Variants in PAMR1 observed in about 807,000 individuals in gnomAD.
The protein encoded by PAMR1 is peptidase domain containing associated with muscle regeneration 1, also known as inactive serine protease PAMR1.
A neutral mutation model predicts 81.8 loss-of-function variants in PAMR1; 88 were observed. The observed-to-expected ratio is 1.08, with a 90% CI of 0.91 to 1.28. The LOEUF (loss-of-function observed/expected upper bound fraction) is 1.28, where lower values mean the gene tolerates loss of function less well. Ranked by LOEUF, PAMR1 falls within the 50% of genes most tolerant of loss-of-function variation. PAMR1 has a pLI of 0.00. For synonymous variants in PAMR1, 336 were observed against 345.3 expected, an observed-to-expected ratio of 0.97 and a Z score of 0.30; for missense variants, 935 against 919.7, an observed-to-expected ratio of 1.02 and a Z score of -0.21.
intron 1 of PAMR1, among the ~76,000 whole-genome samples, chr11:35,506,782 G>A (rs1850966245): frequency 6.6e-6 from 1 of 151,442 alleles, no homozygotes. Context: ...GTGCCTTAGG[G>A]TAGTCTTATT....
At chr11:35,506,166 T>A (rs1181748553) in intron 1 of PAMR1, among the ~76,000 whole-genome samples, 1 of 151,442 alleles carries the variant, frequency 6.6e-6, no homozygotes, top group Non-Finnish European at 1.5e-5. Flanking sequence ...AATTCTACAA[T>A]TTAATTCCAT....
chr11:35,508,470 A>G (rs2781009), intron 1 of PAMR1, among the ~76,000 whole-genome samples: 46,918 of 149,328 alleles, frequency 0.31, 7,460 homozygotes, highest in African/African-American at 0.36. Context: ...TCAGGAGAGT[A>G]AAGCTAGCTT....
intron 1 of PAMR1, among the ~76,000 whole-genome samples, chr11:35,518,220 C>A (rs1365645479): frequency 6.6e-6 from 1 of 151,796 alleles, no homozygotes; most frequent in Non-Finnish European, 1.5e-5. Flanking sequence ...CCAGCCATGT[C>A]CTCACTTCTG....
rs761305508 is a variant in PAMR1, at chr11:35,492,040, C to T, written c.379+5G>A. 5 of 1,610,254 alleles carry T rather than the reference C, an allele frequency of 3.1e-6. No homozygotes were observed. In the East Asian group the frequency reaches 9.0e-5, roughly 29 times the overall value. On this transcript the variant is annotated splice_donor_5th_base_variant and intron_variant, in intron 3 of 10. Transcript: ENST00000619888. The stretch of plus-strand genomic sequence containing the variant: ...AGAGATGGAGCTAGGTCAAGGTCTA[C>T]TTACGCATGCAGTCTCCTCCGTACC...
Position 35,437,776 on chromosome 11 carries a change from G to A in PAMR1, c.1101-1641C>T, listed in dbSNP as rs182612527. Among the ~76,000 whole-genome samples, 16 of 152,342 alleles carry A rather than the reference G, an allele frequency of 1.1e-4. No homozygotes were observed. The East Asian group carries it at 1.3e-3, about 13-fold the overall frequency. ...GTCTTTCTGAATAGTGCAGGGGCCCGTCTACAGCATGTGTCTTTGGGAAGA... is the reference window on the plus strand; with the variant it reads ...GTCTTTCTGAATAGTGCAGGGGCCCATCTACAGCATGTGTCTTTGGGAAGA... On this transcript the variant is annotated intron_variant, in intron 8 of 10. Coordinates refer to ENST00000619888, the MANE Select transcript of PAMR1 (RefSeq NM_001001991.3).
At chr11:35,520,198 G>A (rs1851245790) in intron 1 of PAMR1, among the ~76,000 whole-genome samples, 1 of 152,112 alleles carries the variant, frequency 6.6e-6, no homozygotes, top group African/African-American at 2.4e-5. Context: ...GGGTAAAGAT[G>A]CCTTGATGTG....
rs1269915342 is a variant in PAMR1 at position 35,434,640 on chromosome 11, C to T, written c.1498G>A (p.Val500Met). ...TCAGTAACACAGTGGGCAGCCACCA[C>T]CACAGTGCGCTCATTCACCAGGGCA... ...SGALVNERTV[V>M]VAAHCVTDLG... The change falls in exon 10 of 11, where the codon GTG becomes ATG. Residue 500 changes from valine to methionine, a missense_variant. Transcript: ENST00000619888. The T allele has an allele frequency of 1.9e-6, 3 of 1,614,036 alleles. No homozygotes were observed. Among genetic ancestry groups the T allele is most frequent in the East Asian group, 2.2e-5 (1 of 44,898 alleles).
intron 1 of PAMR1, among the ~76,000 whole-genome samples, chr11:35,509,762 G>C (rs900311124): frequency 8.6e-5 from 13 of 152,044 alleles, no homozygotes; most frequent in African/African-American, 3.1e-4. Flanking sequence ...GGGGTTCACA[G>C]AATTCCAGGG....
chr11:35,523,799 G>A (rs1851331026), intron 1 of PAMR1, among the ~76,000 whole-genome samples: 1 of 152,110 alleles, frequency 6.6e-6, no homozygotes, highest in Non-Finnish European at 1.5e-5. Flanking sequence ...ATGAAGCTGC[G>A]CTCTGGTTCA....
chr11:35,492,208 A>C (rs1177605822), intron 2 of PAMR1, 35 bp from the exon 3 acceptor site: 3 of 1,611,888 alleles, frequency 1.9e-6, no homozygotes, highest in African/African-American at 1.3e-5. Context: ...TGTTAGGCCA[A>C]AGCACCTGCG....
intron 4 of PAMR1, among the ~76,000 whole-genome samples, chr11:35,471,864 T>C (rs1850194377): frequency 6.6e-6 from 1 of 152,170 alleles, no homozygotes; most frequent in Non-Finnish European, 1.5e-5. Context: ...TACCTTCTCC[T>C]CCACACTCTG....
chr11:35,439,724 C>T (rs1159802499), intron 7 of PAMR1, 31 bp from the exon 8 acceptor site: 1 of 1,569,464 alleles, frequency 6.4e-7, no homozygotes, highest in Non-Finnish European at 8.8e-7. Context: ...GCTGCATGAT[C>T]CTTTTCCATA....
upstream of PAMR1, among the ~76,000 whole-genome samples, chr11:35,529,222 T>C (rs918414898): frequency 2.0e-5 from 3 of 152,238 alleles, no homozygotes; most frequent in Non-Finnish European, 4.4e-5. Flanking sequence ...CAAAATCATA[T>C]GCAAATTTTT....
chr11:35,480,957 T>G (rs1482519635), intron 3 of PAMR1, among the ~76,000 whole-genome samples: 1 of 152,192 alleles, frequency 6.6e-6, no homozygotes, highest in South Asian at 2.1e-4. Flanking sequence ...ATGTGGTGGT[T>G]GGTTTTCTGT....
chr11:35,525,746 A>C, upstream of PAMR1: 1 of 633,638 alleles, frequency 1.6e-6, no homozygotes, highest in Non-Finnish European at 2.8e-6. Context: ...GAGGGGAACC[A>C]CCTTCAGCCA....
intron 10 of PAMR1, among the ~76,000 whole-genome samples, chr11:35,434,289 C>G (rs1855982222): frequency 6.6e-6 from 1 of 151,870 alleles, no homozygotes; most frequent in Non-Finnish European, 1.5e-5. Flanking sequence ...GCCTTTGCCT[C>G]TATCTTATTT....
chr11:35,458,911 A>C (rs1360307235), intron 6 of PAMR1, among the ~76,000 whole-genome samples: 1 of 152,100 alleles, frequency 6.6e-6, no homozygotes, highest in African/African-American at 2.4e-5. Flanking sequence ...CAAACCAAAT[A>C]TTTTTTACTC....
chr11:35,491,764 A>G (rs967316565), intron 3 of PAMR1, among the ~76,000 whole-genome samples: 3 of 152,212 alleles, frequency 2.0e-5, no homozygotes, highest in Non-Finnish European at 2.9e-5. Flanking sequence ...CTACCATGCA[A>G]TTGCTTCTGG....
intron 1 of PAMR1, among the ~76,000 whole-genome samples, chr11:35,520,262 G>C (rs729878): frequency 0.21 from 31,337 of 152,080 alleles, 3,334 homozygotes; most frequent in East Asian, 0.28. Flanking sequence ...CTGTCTCATA[G>C]ACAACTGCAA....
Sources: gnomAD v4.1 joint callset for allele counts (sites outside exome capture counted in the v4.1 genomes callset) on GRCh38, gnomAD v4.1.1 for gene constraint, MANE v1.5 for transcripts, NCBI Gene and HGNC (gene_info 2026-07-23, HGNC 2026-07-21) for gene names.